Variants in USP34 observed in about 807,000 individuals in gnomAD.
USP34 encodes ubiquitin specific peptidase 34.
In USP34, 70 loss-of-function variants were observed where a neutral mutation model predicts 460.3. The observed-to-expected ratio is 0.15, with a 90% CI of 0.13 to 0.19. The LOEUF is 0.19. Ranked by LOEUF, USP34 falls within the 10% of genes least tolerant of loss-of-function variation. The probability of loss-of-function intolerance (pLI) is 1.00; values close to 1 mark genes in which losing one functional copy is unlikely to be tolerated. For missense variants in USP34, 3,985 were observed against 4,236.2 expected, an observed-to-expected ratio of 0.94 and a Z score of 1.65; for synonymous variants, 1,647 against 1,405.3, an observed-to-expected ratio of 1.17 and a Z score of -3.85.
intron 41 of USP34, among the ~76,000 whole-genome samples, chr2:61,270,601 A>T (rs1181380086): frequency 2.0e-5 from 3 of 151,882 alleles, no homozygotes; most frequent in South Asian, 2.1e-4. Flanking sequence ...ATGCCTGGCT[A>T]ATTTTTGTAT....
chr2:61,310,795 G>A (rs1257761721), intron 27 of USP34, among the ~76,000 whole-genome samples: 1 of 151,852 alleles, frequency 6.6e-6, no homozygotes, highest in Non-Finnish European at 1.5e-5. Flanking sequence ...CAGAAAAAAT[G>A]GAAATGTAAT....
intron 1 of USP34, among the ~76,000 whole-genome samples, chr2:61,438,974 G>A (rs1200876308): frequency 1.3e-5 from 2 of 151,944 alleles, no homozygotes; most frequent in African/African-American, 2.4e-5. Context: ...TAAAGTTGCA[G>A]GATACAAAAT....
At chr2:61,386,899 T>C (rs1693163164) in intron 5 of USP34, among the ~76,000 whole-genome samples, 1 of 152,110 alleles carries the variant, frequency 6.6e-6, no homozygotes, top group African/African-American at 2.4e-5. Flanking sequence ...TGACAAACTG[T>C]ACAACATGAA....
chr2:61,459,521 T>C (rs1252392173), intron 1 of USP34, among the ~76,000 whole-genome samples: 2 of 152,048 alleles, frequency 1.3e-5, no homozygotes, highest in Non-Finnish European at 2.9e-5. Flanking sequence ...ACACCCATAA[T>C]CCTAGCAGTT....
intron 41 of USP34, among the ~76,000 whole-genome samples, chr2:61,270,325 T>C (rs1220772653): frequency 6.6e-6 from 1 of 152,214 alleles, no homozygotes; most frequent in Admixed American, 6.5e-5. Context: ...AATCAAAAAG[T>C]AGGCCTTCAC....
intron 5 of USP34, among the ~76,000 whole-genome samples, chr2:61,393,397 C>T (rs958960391): frequency 4.0e-5 from 6 of 150,278 alleles, no homozygotes; most frequent in African/African-American, 1.5e-4. Context: ...TGCCACTGCA[C>T]TCCAGCCTGG....
rs897787195 is a variant in USP34, at chr2:61,236,524, G to C, written c.6778-135C>G. 6.2e-6 allele frequency: 4 copies of C among 643,300 alleles called. No homozygotes were observed. The African/African-American group carries it at 7.4e-5, about 12-fold the overall frequency. The allele number at this position is 643,300 out of a possible 1,614,324, so 39.8% of individuals were successfully genotyped here. On this transcript the variant is annotated intron_variant, in intron 53 of 79. Coordinates refer to ENST00000398571, the MANE Select transcript of USP34 (RefSeq NM_014709.4). ...AATCCATGCACTTTAAGTTCATTTT[G>C]ATTTTTTCCCAAGTATATTCATATA...
At chr2:61,218,053 GAAT>G (rs1261600438) in intron 67 of USP34, among the ~76,000 whole-genome samples, 2 of 151,828 alleles carry the variant, frequency 1.3e-5, no homozygotes, top group African/African-American at 4.8e-5. Flanking sequence ...CCTTTCATAA[GAAT>G]AATATTAAAC....
intron 27 of USP34, among the ~76,000 whole-genome samples, chr2:61,307,266 G>A (rs960568989): frequency 7.2e-6 from 1 of 139,108 alleles, no homozygotes; most frequent in African/African-American, 2.7e-5. Context: ...ATTGAACAAT[G>A]AGAACACTTG....
intron 2 of USP34, chr2:61,417,414 T>C (rs1247768358): frequency 2.2e-6 from 1 of 451,126 alleles, no homozygotes; most frequent in Non-Finnish European, 4.1e-6. Context: ...TTGTGACAGC[T>C]ATATGACTGT....
chr2:61,298,398 C>T (rs1479398426), intron 29 of USP34, among the ~76,000 whole-genome samples: 8 of 140,050 alleles, frequency 5.7e-5, no homozygotes, highest in Non-Finnish European at 1.2e-4. Context: ...ACTAGCTGGG[C>T]GTGGTGGCGT....
At chr2:61,394,545 AAAAAAAAAAAAAAT>A (rs1193343104) in intron 5 of USP34, among the ~76,000 whole-genome samples, 1 of 62,736 alleles carries the variant, frequency 1.6e-5, no homozygotes, top group Non-Finnish European at 3.9e-5. Context: ...AAAAAAAAAA[AAAAAAAAAAAAAAT>A]AAGTTAAAAA....
At chr2:61,423,813 C>T (rs917593676) in intron 1 of USP34, among the ~76,000 whole-genome samples, 1 of 152,030 alleles carries the variant, frequency 6.6e-6, no homozygotes, top group Non-Finnish European at 1.5e-5. Context: ...TAGCCAGGCA[C>T]GGTGGCACAT....
intron 1 of USP34, among the ~76,000 whole-genome samples, chr2:61,453,420 A>C (rs1445300249): frequency 1.3e-5 from 2 of 151,748 alleles, no homozygotes; most frequent in Non-Finnish European, 2.9e-5. Context: ...TCTCAAAAAA[A>C]GAAAACAAGC....
In USP34 at chr2:61,375,025, GCA is replaced by G. The variant is rs562362844; in HGVS notation, c.1076+3336_1076+3337del. ...ACAGCAGAATGTACAGTCTTCTTAG[GCA>G]CACACAGAACAGTCTGTAGTACAGA... On this transcript the variant is annotated intron_variant, in intron 8 of 79. Transcript: ENST00000398571. 3.5e-4 allele frequency among the ~76,000 whole-genome samples: 53 copies of G among 152,182 alleles called. No homozygotes were observed. The South Asian group carries it at 8.1e-3, about 23-fold the overall frequency.
chr2:61,346,831 CAAAAAAAAA>C (rs776311612), intron 15 of USP34, among the ~76,000 whole-genome samples: 3 of 29,792 alleles, frequency 1.0e-4, no homozygotes, highest in East Asian at 1.1e-3. Flanking sequence ...GATTCCAACT[CAAAAAAAAA>C]AAAAAAAAAA....
At chr2:61,462,861 CA>C (rs11302669) in intron 1 of USP34, among the ~76,000 whole-genome samples, 54,980 of 109,950 alleles carry the variant, frequency 0.5, 10,625 homozygotes, top group Middle Eastern at 0.58. Flanking sequence ...AACTGTTTCC[CA>C]AAAAAAAAAA....
intron 2 of USP34, among the ~76,000 whole-genome samples, chr2:61,420,225 A>AAG (rs1225831992): frequency 6.6e-6 from 1 of 152,224 alleles, no homozygotes; most frequent in East Asian, 1.9e-4. Context: ...ATTATTAGCA[A>AAG]AGACTAGTTA....
At chr2:61,222,593 A>C (rs766491676) in intron 65 of USP34, 26 bp downstream of exon 65, 3 of 1,599,850 alleles carry the variant, frequency 1.9e-6, no homozygotes. Flanking sequence ...TGTTTTAAAA[A>C]CATAAATTAA....
Sources: allele counts gnomAD v4.1 joint callset (sites outside exome capture counted in the v4.1 genomes callset), GRCh38; gene constraint gnomAD v4.1.1; transcripts MANE v1.5; gene names NCBI Gene and HGNC (gene_info 2026-07-23, HGNC 2026-07-21).